Variants in DCK observed in about 807,000 individuals in gnomAD.
DCK encodes deoxycytidine kinase, also known as deoxyadenosine kinase.
Under a neutral mutation model 38.3 loss-of-function variants are expected in DCK, and 23 were observed. That is an observed-to-expected ratio of 0.60 (90% CI 0.43 to 0.85). DCK has a LOEUF of 0.85. Among genes scored for constraint, DCK ranks in the 40% least tolerant of loss-of-function variants. DCK has a pLI of 0.00. For missense variants in DCK, 259 were observed against 304.4 expected (o/e 0.85, Z 1.11); for synonymous variants, 108 against 100.6 (o/e 1.07, Z -0.44).
At chr4:71,018,988 T>C (rs1029457951) in intron 2 of DCK, among the ~76,000 whole-genome samples, 4 of 152,122 alleles carry the variant, frequency 2.6e-5, no homozygotes, top group African/African-American at 9.7e-5. Context: ...ATTTTTAATA[T>C]TCTTAACATT....
intron 6 of DCK, chr4:71,028,713 C>T (rs1219477565): frequency 9.5e-6 from 4 of 420,536 alleles, no homozygotes; most frequent in Admixed American, 2.8e-5. Flanking sequence ...CTGCCTCAGC[C>T]TCCTAAGTAG....
intron 6 of DCK, among the ~76,000 whole-genome samples, chr4:71,027,259 C>G (rs1740567109): frequency 6.6e-6 from 1 of 151,956 alleles, no homozygotes; most frequent in Admixed American, 6.6e-5. Context: ...TTATGTTGGC[C>G]AAAGTCTTGA....
chr4:71,026,039 C>T (rs763913196), intron 5 of DCK, 108 bp downstream of exon 5: 440 of 1,289,888 alleles, frequency 3.4e-4, no homozygotes, highest in Non-Finnish European at 4.2e-4. Context: ...AATTTCCAGT[C>T]GTTTTGCTTA....
intron 2 of DCK, among the ~76,000 whole-genome samples, chr4:71,019,427 A>AT (rs1380947675): frequency 2.0e-5 from 3 of 152,260 alleles, no homozygotes; most frequent in South Asian, 2.1e-4. Context: ...CATCTGAACC[A>AT]TTTTTAAGTA....
chr4:71,001,645 T>C (rs778172599), intron 2 of DCK, among the ~76,000 whole-genome samples: 7 of 151,958 alleles, frequency 4.6e-5, no homozygotes, highest in Non-Finnish European at 1.0e-4. Flanking sequence ...TAGGATATTA[T>C]TGCCTCAATT....
chr4:71,019,443 C>G (rs968840088), intron 2 of DCK, among the ~76,000 whole-genome samples: 1 of 152,006 alleles, frequency 6.6e-6, no homozygotes, highest in African/African-American at 2.4e-5. Context: ...AAGTATACAG[C>G]TCAGTAGTAT....
At position 71,029,555 on chromosome 4, in the gene DCK, C is replaced by A; in HGVS notation, c.*177C>A. On this transcript the variant is annotated 3_prime_UTR_variant, in exon 7 of 7. Coordinates refer to ENST00000286648, the MANE Select transcript of DCK (RefSeq NM_000788.3). ...CAAAACTTTTTGACCAGTTTCTTTT[C>A]TTTTGTTTTTTTTTTAAAAAAGACA... 1.8e-6 allele frequency: 1 copy of A among 554,974 alleles called. No individual in the cohort carries two copies. The highest frequency in any genetic ancestry group is 3.2e-6 in the Non-Finnish European group (1 of 311,202). 34.4% of individuals were successfully genotyped at this position (554,974 alleles called of 1,614,324 possible). A position where few individuals can be genotyped will look rare whatever the true frequency, so the allele number is the denominator to read the frequency against.
intron 2 of DCK, among the ~76,000 whole-genome samples, chr4:71,020,692 G>A (rs903608804): frequency 6.6e-6 from 1 of 151,812 alleles, no homozygotes; most frequent in African/African-American, 2.4e-5. Flanking sequence ...AACATGACTA[G>A]AGTTTTGTTT....
intron 2 of DCK, among the ~76,000 whole-genome samples, chr4:71,015,001 C>A (rs994829818): frequency 2.0e-5 from 3 of 152,022 alleles, no homozygotes; most frequent in Admixed American, 6.6e-5. Flanking sequence ...TTGAAAAGAT[C>A]AACAAAATTG....
intron 2 of DCK, among the ~76,000 whole-genome samples, chr4:71,020,362 G>A (rs1560687094): frequency 6.6e-6 from 1 of 152,314 alleles, no homozygotes; most frequent in South Asian, 2.1e-4. Context: ...GTTTTGTGAT[G>A]TTAAAATCAA....
intron 2 of DCK, among the ~76,000 whole-genome samples, chr4:71,006,057 T>G (rs953731328): frequency 5.0e-5 from 6 of 120,688 alleles, no homozygotes; most frequent in Non-Finnish European, 9.6e-5. Flanking sequence ...ACCCGGGAGG[T>G]GGAGGTTGCA....
intron 2 of DCK, among the ~76,000 whole-genome samples, chr4:71,019,524 T>C (rs1289447016): frequency 2.0e-5 from 3 of 152,198 alleles, no homozygotes; most frequent in African/African-American, 7.2e-5. Context: ...CAGAGACCCC[T>C]GGAGCTTCTC....
chr4:70,996,210 A>G (rs1157452711), intron 1 of DCK, among the ~76,000 whole-genome samples: 1 of 151,746 alleles, frequency 6.6e-6, no homozygotes, highest in African/African-American at 2.4e-5. Context: ...GTCTCAAAAA[A>G]AAAAAAAAAG....
chr4:71,003,638 G>A (rs762863146), intron 2 of DCK, among the ~76,000 whole-genome samples: 1 of 152,174 alleles, frequency 6.6e-6, no homozygotes, highest in Non-Finnish European at 1.5e-5. Context: ...TTTCTTGGGA[G>A]GCTTTGTTTG....
chr4:70,998,964 C>A (rs1420260761), intron 2 of DCK, among the ~76,000 whole-genome samples: 1 of 151,162 alleles, frequency 6.6e-6, no homozygotes, highest in Non-Finnish European at 1.5e-5. Flanking sequence ...TCAAACTATG[C>A]ATTCAAGATT....
At chr4:71,005,151 T>G (rs1354863344) in intron 2 of DCK, among the ~76,000 whole-genome samples, 3 of 152,162 alleles carry the variant, frequency 2.0e-5, no homozygotes, top group African/African-American at 2.4e-5. Context: ...TTGTGAAGAC[T>G]GTGGGAAAAA....
intron 2 of DCK, among the ~76,000 whole-genome samples, chr4:71,002,168 A>G (rs1033577298): frequency 1.4e-4 from 21 of 152,022 alleles, no homozygotes; most frequent in African/African-American, 4.3e-4. Context: ...GTGGTACGTT[A>G]TGTCTTTGTT....
chr4:71,005,099 G>T (rs1481810156), intron 2 of DCK, among the ~76,000 whole-genome samples: 2 of 152,162 alleles, frequency 1.3e-5, no homozygotes, highest in African/African-American at 4.8e-5. Context: ...TGAAACCCAG[G>T]GCCCTTGTGT....
chr4:71,002,418 A>G (rs1291426095), intron 2 of DCK, among the ~76,000 whole-genome samples: 1 of 152,170 alleles, frequency 6.6e-6, no homozygotes, highest in Non-Finnish European at 1.5e-5. Flanking sequence ...GCACTGTGGT[A>G]CTGAGAATAA....
Sources: allele counts gnomAD v4.1 joint callset (sites outside exome capture counted in the v4.1 genomes callset), GRCh38; gene constraint gnomAD v4.1.1; transcripts MANE v1.5; gene names NCBI Gene and HGNC (gene_info 2026-07-23, HGNC 2026-07-21).